Variants in STMN4 observed in about 807,000 individuals in gnomAD.
STMN4 encodes stathmin-4.
Under a neutral mutation model 29.1 loss-of-function variants are expected in STMN4, and 12 were observed. The ratio of observed to expected loss-of-function variants is 0.41; its 90% CI spans 0.26 to 0.67. The LOEUF is 0.67. Ranked by LOEUF, STMN4 falls within the 30% of genes least tolerant of loss-of-function variation. STMN4 has a pLI of 0.30. For missense variants in STMN4, 181 were observed against 262.8 expected (o/e 0.69, Z 2.15); for synonymous variants, 114 against 105.3 (o/e 1.08, Z -0.51).
In STMN4 at chr8:27,236,765, C is replaced by A; in HGVS notation, c.*81G>T. On this transcript the variant is annotated 3_prime_UTR_variant, in exon 7 of 7. Transcript: ENST00000350889. Reference sequence around the variant, plus strand: ...CCCCCAAACCCCAGTGCTGGGAGCGCAGCCGGCGGGCGAGGCTGCCTGGAA... The same window carrying A: ...CCCCCAAACCCCAGTGCTGGGAGCGAAGCCGGCGGGCGAGGCTGCCTGGAA... The A allele has an allele frequency of 7.4e-7, 1 of 1,355,774 alleles. No homozygotes were observed. The highest frequency in any genetic ancestry group is 2.6e-5 in the East Asian group (1 of 37,784). 84.0% of individuals were successfully genotyped at this position (1,355,774 alleles called of 1,614,324 possible).
Position 27,238,493 on chromosome 8 carries a change from C to G in STMN4, c.591+1478G>C, listed in dbSNP as rs187972128. Among the ~76,000 whole-genome samples the G allele has an allele frequency of 1.1e-4, 17 of 152,336 alleles. No individual in the cohort carries two copies. The East Asian group carries it at 3.3e-3, about 29-fold the overall frequency. On this transcript the variant is annotated intron_variant, in intron 6 of 6. Transcript: ENST00000350889. ...CCATCACTCTACAATATGGACCTTT[C>G]CAGTCTCTCTGCCTCTGAATCTACC...
intron 1 of STMN4, among the ~76,000 whole-genome samples, chr8:27,252,145 A>AT (rs36141789): frequency 0.12 from 18,516 of 150,742 alleles, 1,894 homozygotes; most frequent in East Asian, 0.41. Flanking sequence ...CGAACTCATC[A>AT]TTTTTTATGG....
chr8:27,252,066 T>C (rs1228420734), intron 1 of STMN4, among the ~76,000 whole-genome samples: 2 of 151,754 alleles, frequency 1.3e-5, no homozygotes, highest in African/African-American at 4.9e-5. Context: ...CAGTGTTTGG[T>C]TTTTTGTCCT....
chr8:27,241,010 C>G (rs1214839578), intron 5 of STMN4, 44 bp downstream of exon 5: 2 of 1,577,522 alleles, frequency 1.3e-6, no homozygotes, highest in East Asian at 2.2e-5. Context: ...ACCTCCCTCC[C>G]CTTTATGCTG....
Position 27,235,363 on chromosome 8 carries a change from A to G in STMN4, c.*1483T>C. The G allele has an allele frequency of 6.5e-6, 1 of 154,684 alleles. No homozygotes were observed. The highest frequency in any genetic ancestry group is 1.4e-5 in the Non-Finnish European group (1 of 69,530). The allele number at this position is 154,684 out of a possible 1,614,324, so 9.6% of individuals were successfully genotyped here. ...GGGTTTATTTGCAAAGCTGTAAAAA[A>G]CTACACAGTGTGCAGAGCAGAGTGG... On this transcript the variant is annotated 3_prime_UTR_variant, in exon 7 of 7. Coordinates refer to ENST00000350889, the MANE Select transcript of STMN4 (RefSeq NM_030795.4).
intron 6 of STMN4, among the ~76,000 whole-genome samples, chr8:27,238,116 G>A (rs1006234359): frequency 6.6e-6 from 1 of 152,152 alleles, no homozygotes; most frequent in Non-Finnish European, 1.5e-5. Flanking sequence ...CAGGGCAGGG[G>A]TTCCCAAACT....
chr8:27,237,982 A>G (rs931760103), intron 6 of STMN4, among the ~76,000 whole-genome samples: 1 of 152,194 alleles, frequency 6.6e-6, no homozygotes, highest in Non-Finnish European at 1.5e-5. Context: ...CATCCAGATG[A>G]CAGAATCAGC....
intron 1 of STMN4, 74 bp from the exon 2 acceptor site, chr8:27,243,875 C>T: frequency 1.5e-6 from 2 of 1,364,370 alleles, no homozygotes; most frequent in African/African-American, 2.8e-5. Context: ...GGTCTTTATA[C>T]ACTGGGGAGG....
intron 2 of STMN4, 128 bp from the exon 3 acceptor site, chr8:27,242,620 A>C: frequency 1.2e-6 from 1 of 836,866 alleles, no homozygotes; most frequent in Non-Finnish European, 1.9e-6. Context: ...GGCACACGCC[A>C]AGCCTGGGGA....
At chr8:27,247,254 CAAAAA>C (rs150260843) in intron 1 of STMN4, among the ~76,000 whole-genome samples, 1 of 107,806 alleles carries the variant, frequency 9.3e-6, no homozygotes, top group Admixed American at 1.0e-4. Flanking sequence ...GACTTTGTCT[CAAAAA>C]AAAAAAAAAA....
intron 2 of STMN4, among the ~76,000 whole-genome samples, chr8:27,243,384 A>T (rs7830242): frequency 0.44 from 66,835 of 151,966 alleles, 15,361 homozygotes; most frequent in Non-Finnish European, 0.51. Flanking sequence ...CCTTTTACAG[A>T]TTTGAAAATA....
intron 1 of STMN4, among the ~76,000 whole-genome samples, chr8:27,246,174 G>GT (rs140886101): frequency 0.021 from 3,231 of 152,310 alleles, 49 homozygotes; most frequent in Middle Eastern, 0.037. Flanking sequence ...AAAATATGTG[G>GT]TAAGTGCTTT....
rs758556157 is a variant in STMN4 at position 27,239,998 on chromosome 8, G to A, written c.564C>T (p.Ala188=). 2.0e-5 allele frequency: 32 copies of A among 1,614,064 alleles called. No homozygotes were observed. In the East Asian group the frequency reaches 3.3e-4, roughly 17 times the overall value. Residue 188 remains alanine, a synonymous_variant, in exon 6 of 7, where the codon GCC becomes GCT. Coordinates refer to ENST00000350889, the MANE Select transcript of STMN4 (RefSeq NM_030795.4). ...TCTCTTGCAGCCGTTCCAACATGGCGGCGAGGTGGGCCTCCCTGTTCTCCT... is the reference window on the plus strand; with the variant it reads ...TCTCTTGCAGCCGTTCCAACATGGCAGCGAGGTGGGCCTCCCTGTTCTCCT... ...SNKENREAHL[A]AMLERLQEKD...
In STMN4 at chr8:27,249,763, A is replaced by G. The variant is rs199865297; in HGVS notation, c.-78-5962T>C. ...AGCTGATGTCCAGGGGGCAAACAGA[A>G]AAGCACCAAGTTCTCAGATGACACG... On this transcript the variant is annotated intron_variant, in intron 1 of 6. Transcript: ENST00000350889. Among the ~76,000 whole-genome samples the G allele has an allele frequency of 9.2e-5, 14 of 152,264 alleles. No individual in the cohort carries two copies. In the East Asian group the frequency reaches 2.5e-3, roughly 27 times the overall value.
At position 27,242,354 on chromosome 8, in the gene STMN4, G is replaced by T. The variant is rs758032592; in HGVS notation, c.109+43C>A. On this transcript the variant is annotated intron_variant, in intron 3 of 6. Coordinates refer to ENST00000350889, the MANE Select transcript of STMN4 (RefSeq NM_030795.4). ...GCAGGACCTATGAGGACAGGACACA[G>T]GGCCCCCCCGCCCCTCACTTTCCTG... 8.1e-6 allele frequency: 13 copies of T among 1,599,542 alleles called. No homozygotes were observed. The African/African-American group carries it at 1.6e-4, about 20-fold the overall frequency.
intron 1 of STMN4, among the ~76,000 whole-genome samples, chr8:27,256,178 T>C (rs1201983390): frequency 6.6e-6 from 1 of 152,094 alleles, no homozygotes; most frequent in Non-Finnish European, 1.5e-5. Flanking sequence ...AGAGAAAGAA[T>C]GTAGGATGGG....
At chr8:27,242,190 T>TG (rs1196842834) in intron 3 of STMN4, 6 of 601,046 alleles carry the variant, frequency 1.0e-5, no homozygotes, top group African/African-American at 1.9e-5. Flanking sequence ...GGGCGCCTGA[T>TG]GCAGACCTTC....
chr8:27,246,643 G>A (rs1426204147), intron 1 of STMN4, among the ~76,000 whole-genome samples: 1 of 152,166 alleles, frequency 6.6e-6, no homozygotes, highest in South Asian at 2.1e-4. Context: ...AATGGCAAGT[G>A]TCCTTATAAG....
intron 1 of STMN4, among the ~76,000 whole-genome samples, chr8:27,248,864 A>G (rs1453384255): frequency 6.6e-6 from 1 of 152,236 alleles, no homozygotes; most frequent in Non-Finnish European, 1.5e-5. Context: ...GATAGGCTGG[A>G]AGCCAAATAG....
Sources: allele counts gnomAD v4.1 joint callset (sites outside exome capture counted in the v4.1 genomes callset), GRCh38; gene constraint gnomAD v4.1.1; transcripts MANE v1.5; gene names NCBI Gene and HGNC (gene_info 2026-07-23, HGNC 2026-07-21).